The following SAP30BP variants were observed in gnomAD, a reference collection of about 807,000 sequenced individuals.
SAP30BP encodes SAP30 binding protein, also known as SAP30-binding protein.
SAP30BP carries 31 observed loss-of-function variants against 46.3 expected under a neutral mutation model. That is an observed-to-expected ratio of 0.67 (90% CI 0.50 to 0.90). The LOEUF (loss-of-function observed/expected upper bound fraction) is 0.90. Ranked by LOEUF, SAP30BP falls within the 40% of genes least tolerant of loss-of-function variation. SAP30BP has a pLI of 0.00. For missense variants in SAP30BP, 312 were observed against 391.0 expected, an observed-to-expected ratio of 0.80 and a Z score of 1.70; for synonymous variants, 169 against 144.2, an observed-to-expected ratio of 1.17 and a Z score of -1.23.
intron 4 of SAP30BP, among the ~76,000 whole-genome samples, chr17:75,694,380 A>T (rs773574128): frequency 4.6e-5 from 7 of 152,126 alleles, no homozygotes; most frequent in Non-Finnish European, 1.0e-4. Context: ...GGAATCGTTC[A>T]TTCTATTTGT....
chr17:75,681,054 C>G (rs1568305727), intron 3 of SAP30BP, among the ~76,000 whole-genome samples: 2 of 152,086 alleles, frequency 1.3e-5, no homozygotes, highest in Non-Finnish European at 2.9e-5. Flanking sequence ...AGAAAAAATG[C>G]CTAACGAATG....
At chr17:75,693,850 C>T (rs1004344122) in intron 4 of SAP30BP, among the ~76,000 whole-genome samples, 2 of 152,148 alleles carry the variant, frequency 1.3e-5, no homozygotes, top group Non-Finnish European at 2.9e-5. Flanking sequence ...ATGCATGCTG[C>T]TCAGGGAGTC....
intron 8 of SAP30BP, among the ~76,000 whole-genome samples, chr17:75,704,096 A>G (rs2060457998): frequency 6.6e-6 from 1 of 152,208 alleles, no homozygotes; most frequent in Admixed American, 6.5e-5. Flanking sequence ...AGTGTTGGTG[A>G]TGACGGAGTT....
rs2148426816 is a variant in SAP30BP, at chr17:75,706,829, C to T, written c.*308C>T. 2.5e-6 allele frequency: 1 copy of T among 402,398 alleles called. No homozygotes were observed. The highest frequency in any genetic ancestry group is 4.6e-6 in the Non-Finnish European group (1 of 219,608). The allele number at this position is 402,398 out of a possible 1,614,324, so 24.9% of individuals were successfully genotyped here. A position where few individuals can be genotyped will look rare whatever the true frequency, so the allele number is the denominator to read the frequency against. On this transcript the variant is annotated 3_prime_UTR_variant, in exon 11 of 11. Transcript: ENST00000584667. This position sits in a 1 kb window ranked among gnomAD's most constrained non-coding sequence, Gnocchi z 4.6. ...AGGCAAATGCTTCAGCTCACATGTC[C>T]CCCAAGACTCAATAGTCTTGGTTGG...
chr17:75,703,115 C>T, intron 6 of SAP30BP, 196 bp from the exon 7 acceptor site: 1 of 591,298 alleles, frequency 1.7e-6, no homozygotes, highest in Non-Finnish European at 3.0e-6. Flanking sequence ...TCACCTTGAC[C>T]CTGTGCTCCT....
Position 75,706,276 on chromosome 17 carries a change from G to A in SAP30BP, c.746-64G>A, listed in dbSNP as rs1599181035. 2 of 1,568,736 alleles carry A rather than the reference G, an allele frequency of 1.3e-6. No individual in the cohort carries two copies. The highest frequency in any genetic ancestry group is 1.1e-5 in the South Asian group (1 of 88,728). ...TCCCTAGACTCCCGCTGGCCTGCAGGGGGAAGGGAAAGAGGGCACCGCTCA... is the reference window on the plus strand; with the variant it reads ...TCCCTAGACTCCCGCTGGCCTGCAGAGGGAAGGGAAAGAGGGCACCGCTCA... On this transcript the variant is annotated intron_variant, in intron 10 of 10. Transcript: ENST00000584667. This position sits in a 1 kb window ranked among gnomAD's most constrained non-coding sequence, Gnocchi z 4.6.
intron 9 of SAP30BP, chr17:75,705,319 A>G (rs1337417264): frequency 5.9e-6 from 1 of 170,058 alleles, no homozygotes; most frequent in African/African-American, 2.4e-5. Context: ...CCAAACTGTT[A>G]TCTCTGGGCC....
At chr17:75,674,131 A>G (rs887606476) in intron 3 of SAP30BP, among the ~76,000 whole-genome samples, 5 of 152,020 alleles carry the variant, frequency 3.3e-5, no homozygotes, top group Non-Finnish European at 7.4e-5. Flanking sequence ...TGGCATCTCC[A>G]AGGACTACAA....
At chr17:75,684,859 T>G (rs1463339469) in intron 3 of SAP30BP, 1 of 152,240 alleles carries the variant, frequency 6.6e-6, no homozygotes, top group Non-Finnish European at 1.5e-5. Context: ...CAAGCCTGCT[T>G]TGGCTTTGTC....
At position 75,675,785 on chromosome 17, in the gene SAP30BP, C is replaced by T. The variant is rs552690705; in HGVS notation, c.264+3922C>T. On this transcript the variant is annotated intron_variant, in intron 3 of 10. Transcript: ENST00000584667. ...TACAAAAATTAGCCGGGTGTGGCGGCGCATGCCTCTAGTCCCAGCTACTCG... is the reference window on the plus strand; with the variant it reads ...TACAAAAATTAGCCGGGTGTGGCGGTGCATGCCTCTAGTCCCAGCTACTCG... 3.9e-5 allele frequency among the ~76,000 whole-genome samples: 6 copies of T among 152,106 alleles called. No homozygotes were observed. In the East Asian group the frequency reaches 9.7e-4, roughly 25 times the overall value.
At chr17:75,682,788 C>T (rs1376722255) in intron 3 of SAP30BP, among the ~76,000 whole-genome samples, 4 of 105,802 alleles carry the variant, frequency 3.8e-5, no homozygotes, top group Admixed American at 1.1e-4. Context: ...ATAGTGAAAC[C>T]CCCATCTCTA....
chr17:75,694,204 C>G (rs1265253325), intron 4 of SAP30BP, among the ~76,000 whole-genome samples: 1 of 152,096 alleles, frequency 6.6e-6, no homozygotes, highest in Non-Finnish European at 1.5e-5. Context: ...GCGGTCTTGC[C>G]TCGGTGGCTC....
intron 3 of SAP30BP, among the ~76,000 whole-genome samples, chr17:75,689,982 G>A (rs952316810): frequency 2.0e-5 from 3 of 152,168 alleles, no homozygotes; most frequent in Admixed American, 1.3e-4. Flanking sequence ...GGAGGGAGGT[G>A]AGGAATGAAA....
At chr17:75,685,777 G>T (rs1486225908) in intron 3 of SAP30BP, among the ~76,000 whole-genome samples, 1 of 152,124 alleles carries the variant, frequency 6.6e-6, no homozygotes, top group African/African-American at 2.4e-5. Flanking sequence ...GAAAAAGCCT[G>T]TCCTGGCCTC....
At chr17:75,686,002 C>T (rs1334911883) in intron 3 of SAP30BP, among the ~76,000 whole-genome samples, 1 of 152,214 alleles carries the variant, frequency 6.6e-6, no homozygotes, top group Non-Finnish European at 1.5e-5. Context: ...GGAAATAGCT[C>T]CCTGCATTTA....
chr17:75,706,936 T>TA lies in SAP30BP; in HGVS notation c.*416dup, dbSNP rs1278956060. 1 of 198,688 alleles carries TA rather than the reference T, an allele frequency of 5.0e-6. No individual in the cohort carries two copies. Among genetic ancestry groups the TA allele is most frequent in the East Asian group, 1.2e-4 (1 of 8,144 alleles). 12.3% of individuals were successfully genotyped at this position (198,688 alleles called of 1,614,324 possible). A position where few individuals can be genotyped will look rare whatever the true frequency, so the allele number is the denominator to read the frequency against. On this transcript the variant is annotated 3_prime_UTR_variant, in exon 11 of 11. Transcript: ENST00000584667. This position sits in a 1 kb window ranked among gnomAD's most constrained non-coding sequence, Gnocchi z 4.6. ...GGGTGACCCAAGAAGTCACCGTTGT[T>TA]ATCCGTGTATGCCTCTGGGCATGGA...
At chr17:75,688,759 G>A (rs187087516) in intron 3 of SAP30BP, among the ~76,000 whole-genome samples, 7 of 152,068 alleles carry the variant, frequency 4.6e-5, no homozygotes, top group South Asian at 2.1e-4. Flanking sequence ...TCCTTCCTGC[G>A]CTCCAGTCAG....
Position 75,706,461 on chromosome 17 carries a change from C to T in SAP30BP, c.867C>T (p.Ser289=), listed in dbSNP as rs757683991. The stretch of plus-strand genomic sequence containing the variant: ...TTGTCACGGTCACCACCAGCGCCAG[C>T]GGCTCCAAGACCACCGTCATCTCTG... The part of the protein sequence containing the change: ...PAVVTVTTSA[S]GSKTTVISAV... The change falls in exon 11 of 11, where the codon AGC becomes AGT. Residue 289 remains serine (S), a synonymous_variant. Transcript: ENST00000584667. The surrounding 1 kb of genome is among the most constrained non-coding windows in gnomAD (Gnocchi z 4.6). The T allele has an allele frequency of 6.2e-6, 10 of 1,613,970 alleles. No individual in the cohort carries two copies. The highest frequency in any genetic ancestry group is 3.3e-4 in the Middle Eastern group (2 of 6,084).
chr17:75,684,116 GGAATAACT>G (rs752430595), intron 3 of SAP30BP: 8 of 152,306 alleles, frequency 5.3e-5, no homozygotes, highest in Non-Finnish European at 1.2e-4. Flanking sequence ...TGGGAAGTTG[GGAATAACT>G]GGATAACTGG....
Sources: gnomAD v4.1 joint callset for allele counts (sites outside exome capture counted in the v4.1 genomes callset) on GRCh38, gnomAD v4.1.1 for gene constraint, Gnocchi (gnomAD v3.1) non-coding constraint, MANE v1.5 for transcripts, NCBI Gene and HGNC (gene_info 2026-07-23, HGNC 2026-07-21) for gene names.